Variants in VEPH1 observed in about 807,000 individuals in gnomAD.
VEPH1 encodes the protein ventricular zone-expressed PH domain-containing protein homolog 1.
VEPH1 carries 80 observed loss-of-function variants against 85.2 expected under a neutral mutation model. The observed-to-expected ratio is 0.94, with a 90% CI of 0.78 to 1.13. The LOEUF is 1.13. Among genes scored for constraint, VEPH1 ranks in the 50% most tolerant of loss-of-function variants. The pLI is 0.00. For synonymous variants in VEPH1, 297 were observed against 348.0 expected, an observed-to-expected ratio of 0.85 and a Z score of 1.63; for missense variants, 955 against 980.5, an observed-to-expected ratio of 0.97 and a Z score of 0.35.
At chr3:157,413,188 C>T (rs1731654050) in intron 6 of VEPH1, among the ~76,000 whole-genome samples, 1 of 152,102 alleles carries the variant, frequency 6.6e-6, no homozygotes, top group African/African-American at 2.4e-5. Flanking sequence ...ATGAAATCAT[C>T]AGAGAGACAT....
Position 157,317,160 on chromosome 3 carries a change from A to G in VEPH1, c.1777T>C (p.Ser593Pro). The part of the protein sequence containing the change: ...SCVAKLFFTC[S>P]LKGHYCLYSK... ...TATAGGCAGTAATGACCCTTCAGGG[A>G]GCAGGTGAAGAACAACTTTGCTACA... Residue 593 changes from serine to proline, a missense_variant, in exon 10 of 14, where the codon TCC (serine) becomes CCC (proline). Coordinates refer to ENST00000362010, the MANE Select transcript of VEPH1 (RefSeq NM_001167912.2). 3 of 1,612,670 alleles carry G rather than the reference A, an allele frequency of 1.9e-6. No individual in the cohort carries two copies. Among genetic ancestry groups the G allele is most frequent in the South Asian group, 1.1e-5 (1 of 90,832 alleles).
chr3:157,381,093 G>C, intron 7 of VEPH1, 63 bp downstream of exon 7: 1 of 1,540,360 alleles, frequency 6.5e-7, no homozygotes, highest in African/African-American at 1.4e-5. Flanking sequence ...AGGCTTAACT[G>C]TCTGCATTCT....
In VEPH1 at chr3:157,462,574, T is replaced by G. The variant is rs143123520; in HGVS notation, c.355-2219A>C. 4.6e-5 allele frequency among the ~76,000 whole-genome samples: 7 copies of G among 152,332 alleles called. No homozygotes were observed. The East Asian group carries it at 1.3e-3, about 29-fold the overall frequency. On this transcript the variant is annotated intron_variant, in intron 3 of 13. Coordinates refer to ENST00000362010, the MANE Select transcript of VEPH1 (RefSeq NM_001167912.2). ...AAATATTATGGGATATGTAAGGCAC[T>G]CAAATGTATGTTCCTTAAAGAGCTA... is the stretch of plus-strand genomic sequence containing the variant.
intron 11 of VEPH1, among the ~76,000 whole-genome samples, chr3:157,312,697 A>G (rs115745037): frequency 0.052 from 7,908 of 152,172 alleles, 268 homozygotes; most frequent in Non-Finnish European, 0.084. Flanking sequence ...CTTTCTTAAT[A>G]GCTCTCCAAT....
chr3:157,412,231 A>G (rs1731586630), intron 6 of VEPH1, among the ~76,000 whole-genome samples: 1 of 152,172 alleles, frequency 6.6e-6, no homozygotes, highest in Non-Finnish European at 1.5e-5. Flanking sequence ...ACCCAGTCCC[A>G]GGTATTTCCT....
intron 2 of VEPH1, 115 bp downstream of exon 2, chr3:157,495,097 A>C: frequency 5.6e-6 from 6 of 1,069,582 alleles, no homozygotes; most frequent in Non-Finnish European, 5.4e-6. Context: ...AGAGAGACCA[A>C]TATTAGTGGT....
At chr3:157,497,848 A>G (rs988328757) in intron 1 of VEPH1, among the ~76,000 whole-genome samples, 2 of 152,324 alleles carry the variant, frequency 1.3e-5, no homozygotes, top group South Asian at 4.1e-4. Flanking sequence ...AGAAACATCA[A>G]GTTGTTTAAC....
chr3:157,470,637 C>CT, intron 2 of VEPH1, 108 bp from the exon 3 acceptor site: 1 of 1,035,420 alleles, frequency 9.7e-7, no homozygotes, highest in Admixed American at 1.9e-5. Context: ...AGGCTGTGTG[C>CT]TAAGGGGTGA....
chr3:157,269,638 TG>T (rs1445761871), intron 12 of VEPH1, among the ~76,000 whole-genome samples: 11 of 109,488 alleles, frequency 1.0e-4, no homozygotes, highest in Admixed American at 5.9e-4. Flanking sequence ...TTTTTGTTTT[TG>T]TTGTTTTTTT....
chr3:157,408,656 T>C (rs539931806), intron 6 of VEPH1, among the ~76,000 whole-genome samples: 10 of 152,232 alleles, frequency 6.6e-5, no homozygotes, highest in Admixed American at 5.9e-4. Context: ...CAAATTACTA[T>C]GGAAGTATAG....
At chr3:157,284,427 T>C (rs561631173) in intron 12 of VEPH1, among the ~76,000 whole-genome samples, 1 of 152,276 alleles carries the variant, frequency 6.6e-6, no homozygotes, top group South Asian at 2.1e-4. Flanking sequence ...AATGAAAAAT[T>C]GGATGCAAGG....
At chr3:157,361,263 G>C (rs1208456862) in intron 9 of VEPH1, among the ~76,000 whole-genome samples, 1 of 152,140 alleles carries the variant, frequency 6.6e-6, no homozygotes, top group African/African-American at 2.4e-5. Flanking sequence ...AAAAGTCTTA[G>C]GAAGGCTAAT....
At chr3:157,396,402 C>T (rs1730386432) in intron 6 of VEPH1, among the ~76,000 whole-genome samples, 1 of 152,148 alleles carries the variant, frequency 6.6e-6, no homozygotes, top group African/African-American at 2.4e-5. Context: ...AGTGAACATC[C>T]TAGTGCATGT....
Position 157,342,093 on chromosome 3 carries a change from G to A in VEPH1, c.1735+21271C>T, listed in dbSNP as rs1283335993. Reference sequence around the variant, plus strand: ...AACATGCCAAATTGTAAAGACCATCGAGGCTAGGAAGAAACTGCATCAACT... The same window carrying A: ...AACATGCCAAATTGTAAAGACCATCAAGGCTAGGAAGAAACTGCATCAACT... On this transcript the variant is annotated intron_variant, in intron 9 of 13. Coordinates refer to ENST00000362010, the MANE Select transcript of VEPH1 (RefSeq NM_001167912.2). 4.6e-5 allele frequency among the ~76,000 whole-genome samples: 7 copies of A among 151,898 alleles called. No individual in the cohort carries two copies. The South Asian group carries it at 1.0e-3, about 23-fold the overall frequency.
Position 157,498,972 on chromosome 3 carries a change from G to T in VEPH1, c.-157-3466C>A, listed in dbSNP as rs181586895. On this transcript the variant is annotated intron_variant, in intron 1 of 13. Coordinates refer to ENST00000362010, the MANE Select transcript of VEPH1 (RefSeq NM_001167912.2). ...TTTCTACACATCAACCTTTTTGCTA[G>T]ACACTAGATGCTTTCTTCTTTTAGT... 1.1e-3 allele frequency among the ~76,000 whole-genome samples: 171 copies of T among 152,198 alleles called. 1 individual carries two copies. Among genetic ancestry groups the T allele is most frequent in the African/African-American group, 4.0e-3 (165 of 41,528 alleles).
chr3:157,430,863 T>C (rs1474463876), intron 4 of VEPH1, among the ~76,000 whole-genome samples: 1 of 152,206 alleles, frequency 6.6e-6, no homozygotes, highest in African/African-American at 2.4e-5. Context: ...CACAAATTTA[T>C]TATCTTATAT....
chr3:157,362,591 AGAAACC>A (rs1333410824), intron 9 of VEPH1, among the ~76,000 whole-genome samples: 2 of 152,186 alleles, frequency 1.3e-5, no homozygotes, highest in Non-Finnish European at 2.9e-5. Flanking sequence ...CTCATTCAGT[AGAAACC>A]ATACTTTGAG....
chr3:157,272,384 T>TC, intron 12 of VEPH1, among the ~76,000 whole-genome samples: 3 of 108,098 alleles, frequency 2.8e-5, no homozygotes, highest in African/African-American at 3.9e-5. Context: ...CTTTTCTTTC[T>TC]TTCTTTCTTT....
intron 2 of VEPH1, among the ~76,000 whole-genome samples, chr3:157,478,509 C>G (rs1477004928): frequency 6.6e-6 from 1 of 152,074 alleles, no homozygotes; most frequent in Non-Finnish European, 1.5e-5. Flanking sequence ...CTGAATGAAA[C>G]AAGCCTCAAT....
Sources: gnomAD v4.1 joint callset for allele counts (sites outside exome capture counted in the v4.1 genomes callset) on GRCh38, gnomAD v4.1.1 for gene constraint, MANE v1.5 for transcripts, NCBI Gene and HGNC (gene_info 2026-07-23, HGNC 2026-07-21) for gene names.